Variants in NNT observed in about 807,000 individuals in gnomAD.
NNT encodes NAD(P) transhydrogenase, mitochondrial.
Under a neutral mutation model 104.8 loss-of-function variants are expected in NNT, and 50 were observed. That is an observed-to-expected ratio of 0.48 (90% CI 0.38 to 0.60). NNT has a LOEUF of 0.60. NNT is among the 20% of genes least tolerant of loss of function. The pLI is 0.00. For synonymous variants in NNT, 461 were observed against 490.4 expected, an observed-to-expected ratio of 0.94 and a Z score of 0.79; for missense variants, 1,131 against 1,330.7, an observed-to-expected ratio of 0.85 and a Z score of 2.33.
rs1183301664 is a variant in NNT, at chr5:43,649,391, AGT to A, written c.1606+88_1606+89del. On this transcript the variant is annotated intron_variant, in intron 11 of 21. Coordinates refer to ENST00000344920, the MANE Select transcript of NNT (RefSeq NM_182977.3). ...GGAGGACTATCAATGCCGTTTATAAAGTGTGTTTTCAAGTTGTTTTGCTTGGC... is the reference window on the plus strand; with the variant it reads ...GGAGGACTATCAATGCCGTTTATAAAGTGTTTTCAAGTTGTTTTGCTTGGC... The A allele has an allele frequency of 7.4e-6, 11 of 1,493,000 alleles. No homozygotes were observed. The East Asian group carries it at 1.8e-4, about 25-fold the overall frequency. 92.5% of individuals were successfully genotyped at this position (1,493,000 alleles called of 1,614,324 possible). A position where few individuals can be genotyped will look rare whatever the true frequency, so the allele number is the denominator to read the frequency against.
chr5:43,673,297 A>T (rs544344335), intron 17 of NNT, among the ~76,000 whole-genome samples: 1 of 152,206 alleles, frequency 6.6e-6, no homozygotes, highest in East Asian at 1.9e-4. Context: ...TGTCTTGCCC[A>T]CACTGTCCGA....
At position 43,609,301 on chromosome 5, in the gene NNT, T is replaced by C; in HGVS notation, c.106T>C (p.Phe36Leu). 1 of 1,614,064 alleles carries C rather than the reference T, an allele frequency of 6.2e-7. No homozygotes were observed. The highest frequency in any genetic ancestry group is 8.5e-7 in the Non-Finnish European group (1 of 1,179,964). The change falls in exon 2 of 22, where the codon TTT (phenylalanine) becomes CTT (leucine). Residue 36 changes from phenylalanine (F) to leucine (L), a missense_variant. Physicochemically the swap from Phe to Leu is conservative, Grantham distance 22. Coordinates refer to ENST00000344920, the MANE Select transcript of NNT (RefSeq NM_182977.3). ...TGTGAAGAAGGATTTTTTACGAACATTTTATACTCACCAAGAACTGTGGTG... is the reference window on the plus strand; with the variant it reads ...TGTGAAGAAGGATTTTTTACGAACACTTTATACTCACCAAGAACTGTGGTG... ...LRVKKDFLRT[F>L]YTHQELWCKA...
At chr5:43,623,744 G>A (rs1750218173) in intron 5 of NNT, among the ~76,000 whole-genome samples, 1 of 152,158 alleles carries the variant, frequency 6.6e-6, no homozygotes, top group Admixed American at 6.5e-5. Flanking sequence ...TGCTGATCAT[G>A]CTTAGGTAGT....
chr5:43,670,183 T>G (rs554247945), intron 17 of NNT, among the ~76,000 whole-genome samples: 1 of 152,294 alleles, frequency 6.6e-6, no homozygotes, highest in East Asian at 1.9e-4. Flanking sequence ...TTCTTATTTA[T>G]TAGTCTTGCT....
At chr5:43,666,766 T>C in intron 17 of NNT, 2 of 1,277,686 alleles carry the variant, frequency 1.6e-6, no homozygotes, top group Non-Finnish European at 1.1e-6. Context: ...CAGAGATATC[T>C]ACTCTGAAGG....
At chr5:43,663,558 C>A (rs1390444329) in intron 17 of NNT, among the ~76,000 whole-genome samples, 1 of 152,142 alleles carries the variant, frequency 6.6e-6, no homozygotes, top group Non-Finnish European at 1.5e-5. Flanking sequence ...CTTCTTTATG[C>A]TTCTTTATTA....
intron 17 of NNT, among the ~76,000 whole-genome samples, chr5:43,669,399 A>G (rs2112047050): frequency 6.6e-6 from 1 of 152,308 alleles, no homozygotes; most frequent in East Asian, 1.9e-4. Context: ...CCCATTCAGT[A>G]TAATATTGGC....
At chr5:43,648,205 C>T (rs1462256731) in intron 10 of NNT, 12 of 1,068,532 alleles carry the variant, frequency 1.1e-5, no homozygotes, top group African/African-American at 1.6e-5. Context: ...ATTAAAACTA[C>T]AGTCATATTG....
At chr5:43,674,744 C>T (rs768357) in intron 17 of NNT, among the ~76,000 whole-genome samples, 95,195 of 152,094 alleles carry the variant, frequency 0.63, 32,450 homozygotes, top group African/African-American at 0.9. Context: ...CAAAACCAGA[C>T]CAGTTACTGT....
At chr5:43,606,212 G>T (rs1216220468) in intron 1 of NNT, among the ~76,000 whole-genome samples, 1 of 152,136 alleles carries the variant, frequency 6.6e-6, no homozygotes, top group Non-Finnish European at 1.5e-5. Context: ...TAAAAATGGT[G>T]GTTGTTGGGG....
intron 20 of NNT, among the ~76,000 whole-genome samples, chr5:43,700,446 C>G (rs1421282732): frequency 6.6e-6 from 1 of 152,166 alleles, no homozygotes; most frequent in East Asian, 1.9e-4. Flanking sequence ...GTAAATTTTT[C>G]TCCTCCGTGA....
At chr5:43,698,419 G>T (rs1246924808) in intron 19 of NNT, among the ~76,000 whole-genome samples, 1 of 151,956 alleles carries the variant, frequency 6.6e-6, no homozygotes, top group Admixed American at 6.6e-5. Context: ...ATGTGTCTAC[G>T]TGGTTCCAGT....
chr5:43,661,338 G>T (rs1010669259), intron 17 of NNT, among the ~76,000 whole-genome samples: 3 of 152,066 alleles, frequency 2.0e-5, no homozygotes, highest in Admixed American at 1.3e-4. Flanking sequence ...GACCAGCAGG[G>T]GGCAGCAGAT....
At chr5:43,620,021 A>G (rs901103819) in intron 5 of NNT, among the ~76,000 whole-genome samples, 1 of 152,018 alleles carries the variant, frequency 6.6e-6, no homozygotes, top group South Asian at 2.1e-4. Context: ...GAGGGCATTA[A>G]TCTGTTCATG....
At chr5:43,626,062 A>G (rs1188664181) in intron 6 of NNT, among the ~76,000 whole-genome samples, 4 of 152,084 alleles carry the variant, frequency 2.6e-5, no homozygotes, top group Non-Finnish European at 5.9e-5. Context: ...CTATATTTAA[A>G]CAATACTCTG....
chr5:43,631,554 T>G (rs1437719185), intron 7 of NNT, among the ~76,000 whole-genome samples: 1 of 152,154 alleles, frequency 6.6e-6, no homozygotes, highest in Admixed American at 6.5e-5. Flanking sequence ...GAGTAAGCCA[T>G]GTGGATAGGA....
intron 17 of NNT, among the ~76,000 whole-genome samples, chr5:43,674,019 CAA>C (rs71610324): frequency 2.2e-4 from 24 of 110,900 alleles, no homozygotes; most frequent in African/African-American, 2.0e-4. Context: ...GACTCCATCT[CAA>C]AAAAAAAAAA....
chr5:43,650,495 G>T lies in NNT; in HGVS notation c.1625G>T (p.Gly542Val). The change falls in exon 12 of 22, where the codon GGG becomes GTG. Residue 542 changes from glycine to valine, a missense_variant. Coordinates refer to ENST00000344920, the MANE Select transcript of NNT (RefSeq NM_182977.3). ...NAISGLTAVG[G>V]LALMGGHLYP... The stretch of plus-strand genomic sequence containing the variant: ...TTTCTAGGGCTGACTGCAGTTGGTG[G>T]GTTGGCACTGATGGGAGGACATTTG... The T allele has an allele frequency of 1.2e-6, 2 of 1,613,932 alleles. No individual in the cohort carries two copies. The highest frequency in any genetic ancestry group is 1.7e-6 in the Non-Finnish European group (2 of 1,179,902).
At chr5:43,644,558 T>C in intron 8 of NNT, 53 bp from the exon 9 acceptor site, 2 of 1,441,368 alleles carry the variant, frequency 1.4e-6, no homozygotes, top group South Asian at 1.3e-5. Context: ...TGTTCTAGAA[T>C]GAATGTGAAC....
Sources: gnomAD v4.1 joint callset for allele counts (sites outside exome capture counted in the v4.1 genomes callset) on GRCh38, gnomAD v4.1.1 for gene constraint, MANE v1.5 for transcripts, NCBI Gene and HGNC (gene_info 2026-07-23, HGNC 2026-07-21) for gene names.